ACOT1: variants seen among roughly 807,000 people sequenced by gnomAD.
ACOT1 encodes the protein acyl-coenzyme A thioesterase 1.
ACOT1 carries 8 observed loss-of-function variants against 15.7 expected under a neutral mutation model. That is an observed-to-expected ratio of 0.51 (90% CI 0.30 to 0.92). The LOEUF is 0.92. ACOT1 is among the 40% of genes least tolerant of loss of function. ACOT1 has a pLI of 0.06. For missense variants in ACOT1, 151 were observed against 539.4 expected (o/e 0.28, Z 7.13); for synonymous variants, 67 against 241.2 (o/e 0.28, Z 6.69).
chr14:73,519,712 C>A, the ACOT1 span, among the ~76,000 whole-genome samples: 1 of 151,996 alleles, frequency 6.6e-6, no homozygotes, highest in South Asian at 2.1e-4. Flanking sequence ...GGAGTGAAAC[C>A]ATTTCAAAAA....
the ACOT1 span, chr14:73,495,231 G>A: frequency 4.3e-6 from 7 of 1,613,040 alleles, no homozygotes; most frequent in Non-Finnish European, 5.9e-6. Context: ...AACCTACCCT[G>A]AAAAGTTTCT....
the ACOT1 span, chr14:73,527,227 A>C: frequency 2.6e-5 from 4 of 151,982 alleles, no homozygotes; most frequent in Non-Finnish European, 5.9e-5. Flanking sequence ...TAAATACCTA[A>C]CTCTTCAATG....
chr14:73,501,205 GC>G, the ACOT1 span, among the ~76,000 whole-genome samples: 1 of 151,876 alleles, frequency 6.6e-6, no homozygotes, highest in South Asian at 2.1e-4. Context: ...TGCAAGCGCC[GC>G]CTCCTGGGTT....
At chr14:73,505,207 G>A in the ACOT1 span, among the ~76,000 whole-genome samples, 10 of 152,034 alleles carry the variant, frequency 6.6e-5, no homozygotes, top group Non-Finnish European at 1.2e-4. Context: ...ATGAGCCACC[G>A]TACCGGACCC....
At chr14:73,512,530 C>T in the ACOT1 span, among the ~76,000 whole-genome samples, 1 of 152,252 alleles carries the variant, frequency 6.6e-6, no homozygotes, top group African/African-American at 2.4e-5. Context: ...TTACTTAACC[C>T]TGAGCCTGAG....
chr14:73,506,007 C>T, the ACOT1 span, among the ~76,000 whole-genome samples: 1 of 150,912 alleles, frequency 6.6e-6, no homozygotes, highest in Non-Finnish European at 1.5e-5. Context: ...TCTCCTGCCT[C>T]AGCCTCCCAA....
chr14:73,512,104 A>G, the ACOT1 span: 1 of 1,614,186 alleles, frequency 6.2e-7, no homozygotes, highest in South Asian at 1.1e-5. Flanking sequence ...CAGGTCTCCC[A>G]AGCTCTGAAG....
chr14:73,533,903 A>T (rs1173805198), upstream of ACOT1, among the ~76,000 whole-genome samples: 1 of 70,948 alleles, frequency 1.4e-5, no homozygotes. Context: ...AAAAAAAAAA[A>T]GGTTAAAATG....
chr14:73,491,043 G>C, the ACOT1 span: 4 of 1,586,132 alleles, frequency 2.5e-6, no homozygotes, highest in East Asian at 9.2e-5. Flanking sequence ...GCCAGTGCAG[G>C]GCCGTTGAGG....
chr14:73,493,071 T>C, the ACOT1 span: 1 of 1,613,122 alleles, frequency 6.2e-7, no homozygotes, highest in Admixed American at 1.7e-5. Context: ...TTTACCTTTA[T>C]CACTGCTTCA....
the ACOT1 span, chr14:73,493,027 C>T: frequency 3.2e-6 from 5 of 1,564,546 alleles, no homozygotes; most frequent in South Asian, 1.2e-5. Flanking sequence ...CTTAAACTCA[C>T]GTTCTTACCT....
chr14:73,520,983 C>T, the ACOT1 span: 22 of 1,613,622 alleles, frequency 1.4e-5, no homozygotes, highest in African/African-American at 2.9e-4. Context: ...ATCCTCAGTG[C>T]TCTTGTTGCC....
chr14:73,541,082 T>G (rs575704639), intron 1 of ACOT1, among the ~76,000 whole-genome samples: 11 of 113,962 alleles, frequency 9.7e-5, no homozygotes, highest in African/African-American at 2.9e-4. Flanking sequence ...CACAAAACCT[T>G]TAATGTAAAT....
rs1314199436 is a variant in ACOT1 at position 73,543,365 on chromosome 14, GACC to G, written c.979_981del (p.His327del). On this transcript the variant is annotated inframe_deletion, in exon 3 of 3. Coordinates refer to ENST00000311148, the MANE Select transcript of ACOT1 (RefSeq NM_001037161.2). Reference sequence around the variant, plus strand: ...CTTCCTGTTCCTGGTAGGTCAGGATGACCACAACTGGAAGAGTGAGTTCTATGC... The same window carrying G: ...CTTCCTGTTCCTGGTAGGTCAGGATGACAACTGGAAGAGTGAGTTCTATGC... 4.2e-6 allele frequency: 6 copies of G among 1,432,052 alleles called. No individual in the cohort carries two copies. The Admixed American group carries it at 7.4e-5, about 18-fold the overall frequency. The allele number at this position is 1,432,052 out of a possible 1,614,324, so 88.7% of individuals were successfully genotyped here.
the ACOT1 span, among the ~76,000 whole-genome samples, chr14:73,511,514 G>C: frequency 1.3e-4 from 19 of 145,386 alleles, no homozygotes; most frequent in Non-Finnish European, 3.0e-5. Context: ...GCAAGACTCT[G>C]TCTCAAAAAT....
chr14:73,523,096 C>T, the ACOT1 span: 1 of 1,611,148 alleles, frequency 6.2e-7, no homozygotes, highest in Non-Finnish European at 8.5e-7. Flanking sequence ...GTCGTGGGGG[C>T]AGTGACTGAT....
At chr14:73,497,123 T>C in the ACOT1 span, among the ~76,000 whole-genome samples, 2 of 152,226 alleles carry the variant, frequency 1.3e-5, no homozygotes, top group Non-Finnish European at 2.9e-5. Flanking sequence ...CTAGAACTCC[T>C]GACCTCAGGT....
At chr14:73,517,827 G>A in the ACOT1 span, among the ~76,000 whole-genome samples, 29 of 152,064 alleles carry the variant, frequency 1.9e-4, no homozygotes, top group Middle Eastern at 3.4e-3. Flanking sequence ...GGTGGCTCAC[G>A]CCTGTAATCC....
At chr14:73,519,450 A>C in the ACOT1 span, among the ~76,000 whole-genome samples, 2 of 152,130 alleles carry the variant, frequency 1.3e-5, no homozygotes, top group African/African-American at 2.4e-5. Context: ...TTTCCTTCCT[A>C]AGGCAGAACC....
Sources: gnomAD v4.1 joint callset for allele counts (sites outside exome capture counted in the v4.1 genomes callset) on GRCh38, gnomAD v4.1.1 for gene constraint, MANE v1.5 for transcripts, NCBI Gene and HGNC (gene_info 2026-07-23, HGNC 2026-07-21) for gene names.